Variants in YIPF1 observed in about 807,000 individuals in gnomAD.
The protein encoded by YIPF1 is Yip1 domain family member 1, also known as protein YIPF1.
A neutral mutation model predicts 37.0 loss-of-function variants in YIPF1; 22 were observed. The ratio of observed to expected loss-of-function variants is 0.59; its 90% CI spans 0.42 to 0.85. The LOEUF (loss-of-function observed/expected upper bound fraction) is 0.85. Among genes scored for constraint, YIPF1 ranks in the 40% least tolerant of loss-of-function variants. The pLI, the probability that YIPF1 is intolerant of heterozygous loss-of-function variation, is 0.00. For synonymous variants in YIPF1, 128 were observed against 131.9 expected (o/e 0.97, Z 0.21); for missense variants, 355 against 373.1 (o/e 0.95, Z 0.40).
chr1:53,878,417 AG>A lies in YIPF1; in HGVS notation c.277-16del. Reference sequence around the variant, plus strand: ...CTGTCAAAGACCTGGAAAACATCATAGCAGTAATTCTACTGAAGTTTTTTAA... The same window carrying A: ...CTGTCAAAGACCTGGAAAACATCATACAGTAATTCTACTGAAGTTTTTTAA... On this transcript the variant is annotated splice_polypyrimidine_tract_variant and intron_variant, in intron 5 of 10. Transcript: ENST00000072644. 1 of 1,611,790 alleles carries A rather than the reference AG, an allele frequency of 6.2e-7. No homozygotes were observed.
At chr1:53,858,299 G>A (rs1282057029) in intron 10 of YIPF1, among the ~76,000 whole-genome samples, 1 of 152,166 alleles carries the variant, frequency 6.6e-6, no homozygotes, top group East Asian at 1.9e-4. Flanking sequence ...CATTTGACCA[G>A]TCATATCTAG....
intron 7 of YIPF1, 151 bp from the exon 8 acceptor site, chr1:53,867,075 C>G: frequency 1.1e-6 from 1 of 902,056 alleles, no homozygotes; most frequent in South Asian, 1.8e-5. Context: ...AATCCCTGAG[C>G]TTGGTACAGT....
chr1:53,888,679 T>C (rs964510525), intron 3 of YIPF1, among the ~76,000 whole-genome samples: 2 of 152,192 alleles, frequency 1.3e-5, no homozygotes, highest in African/African-American at 2.4e-5. Flanking sequence ...GTAATCACTG[T>C]ACTAAATTTA....
intron 6 of YIPF1, 102 bp from the exon 7 acceptor site, chr1:53,871,590 G>T (rs1650194091): frequency 9.8e-7 from 1 of 1,023,536 alleles, no homozygotes; most frequent in Non-Finnish European, 1.4e-6. Flanking sequence ...GTTAGCAAAA[G>T]AAAATGAATT....
chr1:53,889,048 TTATG>T, intron 2 of YIPF1, 62 bp from the exon 3 acceptor site: 1 of 882,914 alleles, frequency 1.1e-6, no homozygotes, highest in East Asian at 2.5e-5. Flanking sequence ...CAAACAACTC[TTATG>T]TATTAGAAAT....
chr1:53,887,331 C>T (rs1009752295), intron 3 of YIPF1, among the ~76,000 whole-genome samples: 3 of 151,888 alleles, frequency 2.0e-5, no homozygotes, highest in East Asian at 3.9e-4. Flanking sequence ...CTGCCCTCCT[C>T]GGCCTCCCAA....
At chr1:53,880,760 C>G (rs371057375) in intron 4 of YIPF1, among the ~76,000 whole-genome samples, 1 of 152,094 alleles carries the variant, frequency 6.6e-6, no homozygotes, top group Non-Finnish European at 1.5e-5. Context: ...TAAGAATGCA[C>G]GTCTACAACC....
At chr1:53,882,509 G>A (rs982197288) in intron 4 of YIPF1, among the ~76,000 whole-genome samples, 2 of 151,410 alleles carry the variant, frequency 1.3e-5, no homozygotes, top group Non-Finnish European at 2.9e-5. Flanking sequence ...CGAGGCTGGA[G>A]TGTAGTGGTG....
At chr1:53,866,030 G>A (rs1242561499) in intron 9 of YIPF1, among the ~76,000 whole-genome samples, 170 bp downstream of exon 9, 2 of 152,162 alleles carry the variant, frequency 1.3e-5, no homozygotes, top group African/African-American at 2.4e-5. Flanking sequence ...TTGAGCTCCC[G>A]AGCTCGAGAT....
chr1:53,866,673 A>AATG, intron 8 of YIPF1, 85 bp downstream of exon 8: 1 of 1,460,410 alleles, frequency 6.8e-7, no homozygotes, highest in Non-Finnish European at 9.2e-7. Flanking sequence ...CGCTGGAAAT[A>AATG]ATGATGGTAG....
rs761493810 is a variant in YIPF1, at chr1:53,866,805, T to G, written c.601A>C (p.Ile201Leu). 2 of 1,614,100 alleles carry G rather than the reference T, an allele frequency of 1.2e-6. No homozygotes were observed. Among genetic ancestry groups the G allele is most frequent in the South Asian group, 2.2e-5 (2 of 91,080 alleles). Residue 201 changes from isoleucine (I) to leucine (L), a missense_variant, in exon 8 of 11, where the codon ATT (isoleucine) becomes CTT (leucine). Coordinates refer to ENST00000072644, the MANE Select transcript of YIPF1 (RefSeq NM_018982.5). Reference protein sequence around the residue: ...MNIVSYSFLEIVCVYGYSLFI... With the variant: ...MNIVSYSFLELVCVYGYSLFI... ...AGGGAATATCCATAGACACACACAA[T>G]CTCCAGAAATGAATAGGAGACGATG...
intron 6 of YIPF1, among the ~76,000 whole-genome samples, chr1:53,874,533 G>A (rs951438311): frequency 3.9e-5 from 6 of 152,132 alleles, no homozygotes; most frequent in African/African-American, 1.4e-4. Context: ...TTGGGAGGCT[G>A]AGGCAGGCAG....
intron 6 of YIPF1, among the ~76,000 whole-genome samples, chr1:53,874,199 T>A (rs1389221912): frequency 6.6e-6 from 1 of 152,138 alleles, no homozygotes; most frequent in Non-Finnish European, 1.5e-5. Context: ...CTGGGCTCTG[T>A]AACTTCTCCA....
chr1:53,878,167 T>C (rs1462358529), intron 6 of YIPF1, 148 bp downstream of exon 6: 5 of 716,590 alleles, frequency 7.0e-6, no homozygotes, highest in Non-Finnish European at 1.2e-5. Flanking sequence ...CCTCCAAAAT[T>C]ACTTGCAAGG....
chr1:53,852,525 C>A lies in YIPF1; in HGVS notation c.*9-255G>T, dbSNP rs150873992. 1.1e-4 allele frequency among the ~76,000 whole-genome samples: 17 copies of A among 152,258 alleles called. No individual in the cohort carries two copies. The East Asian group carries it at 2.9e-3, about 26-fold the overall frequency. On this transcript the variant is annotated intron_variant, in intron 10 of 10. Coordinates refer to ENST00000072644, the MANE Select transcript of YIPF1 (RefSeq NM_018982.5). ...TGCTTGGAAACCCAGTGACCCTTTC[C>A]AAGCCAGATCCTAAAGCTACCTTTG...
In YIPF1 at chr1:53,888,922, C is replaced by T. The variant is rs772654886; in HGVS notation, c.16G>A (p.Asp6Asn). MAAVD[D>N]LQFEEFGNAA... ...ACTGGTATACCTTCAAATTGCAAGT[C>T]ATCTACTGCTGCCATTCGGCCAGTG... Residue 6 changes from aspartate (D) to asparagine (N), a missense_variant, in exon 3 of 11, where the codon GAC becomes AAC. Coordinates refer to ENST00000072644, the MANE Select transcript of YIPF1 (RefSeq NM_018982.5). The T allele has an allele frequency of 1.3e-6, 2 of 1,594,504 alleles. No individual in the cohort carries two copies. The highest frequency in any genetic ancestry group is 1.7e-6 in the Non-Finnish European group (2 of 1,164,126).
intron 3 of YIPF1, chr1:53,886,722 C>G (rs1308478270): frequency 6.6e-6 from 1 of 151,950 alleles, no homozygotes; most frequent in African/African-American, 2.4e-5. Flanking sequence ...TCTCCCAATC[C>G]TTTAGGAAAA....
chr1:53,885,044 C>G (rs759354932), intron 3 of YIPF1, among the ~76,000 whole-genome samples: 1 of 152,206 alleles, frequency 6.6e-6, no homozygotes, highest in Non-Finnish European at 1.5e-5. Context: ...ACATGAGGTT[C>G]TGGAGTGAGA....
At position 53,887,411 on chromosome 1, in the gene YIPF1, T is replaced by A. The variant is rs1427671159; in HGVS notation, c.31+1496A>T. On this transcript the variant is annotated intron_variant, in intron 3 of 10. Transcript: ENST00000072644. ...TTTCTTCTAGTGAGATGGGAGCTAC[T>A]GGAAGGTTCTGAAAGAATGACATGA... Among the ~76,000 whole-genome samples, 2 of 151,882 alleles carry A rather than the reference T, an allele frequency of 1.3e-5. 1 individual carries two copies. Among genetic ancestry groups the A allele is most frequent in the African/African-American group, 4.9e-5 (2 of 41,194 alleles).
Sources: allele counts gnomAD v4.1 joint callset (sites outside exome capture counted in the v4.1 genomes callset), GRCh38; gene constraint gnomAD v4.1.1; transcripts MANE v1.5; gene names NCBI Gene and HGNC (gene_info 2026-07-23, HGNC 2026-07-21).